The following KCNN3 variants were observed in gnomAD, a reference collection of about 807,000 sequenced individuals.
KCNN3 encodes the protein small conductance calcium-activated potassium channel protein 3.
Under a neutral mutation model 62.9 loss-of-function variants are expected in KCNN3, and 16 were observed. The observed-to-expected ratio is 0.25, with a 90% CI of 0.17 to 0.39. The LOEUF is 0.39. Among genes scored for constraint, KCNN3 ranks in the 10% least tolerant of loss-of-function variants. The pLI, the probability that KCNN3 is intolerant of heterozygous loss-of-function variation, is 1.00. For synonymous variants in KCNN3, 370 were observed against 389.2 expected (o/e 0.95, Z 0.58); for missense variants, 599 against 949.4 (o/e 0.63, Z 4.85).
chr1:154,826,056 C>A (rs943013008), intron 1 of KCNN3, among the ~76,000 whole-genome samples: 9 of 37,730 alleles, frequency 2.4e-4, no homozygotes, highest in African/African-American at 6.5e-4. Context: ...TAAAAAAAAA[C>A]AAAAACAAAA....
At chr1:154,817,231 T>C (rs1434272187) in intron 2 of KCNN3, among the ~76,000 whole-genome samples, 1 of 152,126 alleles carries the variant, frequency 6.6e-6, no homozygotes, top group Non-Finnish European at 1.5e-5. Context: ...GAAAGAAGCA[T>C]TTAATAGGGA....
chr1:154,719,469 T>C lies in KCNN3; in HGVS notation c.1702-4466A>G, dbSNP rs79633093. Reference sequence around the variant, plus strand: ...GGCACATTCCTGTACTGTAGGCCACTGTAACACAAATCACTAGGGGAGAGG... The same window carrying C: ...GGCACATTCCTGTACTGTAGGCCACCGTAACACAAATCACTAGGGGAGAGG... On this transcript the variant is annotated intron_variant, in intron 5 of 7. Coordinates refer to ENST00000271915, the MANE Select transcript of KCNN3 (RefSeq NM_002249.6). Among the ~76,000 whole-genome samples the C allele has an allele frequency of 2.0e-3, 311 of 152,292 alleles. 1 individual carries two copies. The highest frequency in any genetic ancestry group is 7.2e-3 in the African/African-American group (301 of 41,536).
Position 154,771,996 on chromosome 1 carries a change from C to T in KCNN3, c.1427G>A (p.Trp476Ter), listed in dbSNP as rs753340296. 6.2e-7 allele frequency: 1 copy of T among 1,614,136 alleles called. No homozygotes were observed. The highest frequency in any genetic ancestry group is 8.5e-7 in the Non-Finnish European group (1 of 1,180,046). Residue 476 changes from tryptophan to a stop codon, truncating the protein, a stop_gained, in exon 3 of 8, where the codon TGG becomes TAG. Coordinates refer to ENST00000271915, the MANE Select transcript of KCNN3 (RefSeq NM_002249.6). LOFTEE classifies it high-confidence loss of function. Reference protein sequence around the residue: ...FSISLWIIAAWTVRVCERYHD... With the variant: ...FSISLWIIAA ...ATACCTTTCACAGACACGGACGGTCCAGGCAGCAATGATCCACAGAGAGAT... is the reference window on the plus strand; with the variant it reads ...ATACCTTTCACAGACACGGACGGTCTAGGCAGCAATGATCCACAGAGAGAT...
intron 1 of KCNN3, among the ~76,000 whole-genome samples, chr1:154,851,140 G>A (rs1238226748): frequency 1.3e-5 from 2 of 152,086 alleles, no homozygotes; most frequent in Non-Finnish European, 2.9e-5. Flanking sequence ...CACCATGCCC[G>A]GCTAATTTTT....
In KCNN3 at chr1:154,840,006, C is replaced by T. The variant is rs117429684; in HGVS notation, c.934-17822G>A. 2.0e-4 allele frequency among the ~76,000 whole-genome samples: 31 copies of T among 152,130 alleles called. No homozygotes were observed. The East Asian group carries it at 5.8e-3, about 28-fold the overall frequency. On this transcript the variant is annotated intron_variant, in intron 1 of 7. Transcript: ENST00000271915. ...GAGTCAGGGATTTCTAAGACTCAGACTGGGAACCTAGCAGGAAAGGCACTG... is the reference window on the plus strand; with the variant it reads ...GAGTCAGGGATTTCTAAGACTCAGATTGGGAACCTAGCAGGAAAGGCACTG...
At chr1:154,839,265 C>T (rs987123776) in intron 1 of KCNN3, among the ~76,000 whole-genome samples, 34 of 152,208 alleles carry the variant, frequency 2.2e-4, no homozygotes, top group African/African-American at 8.0e-4. Flanking sequence ...GCTCCCTCCA[C>T]CCCCATCACT....
intron 3 of KCNN3, among the ~76,000 whole-genome samples, chr1:154,750,243 C>T (rs1481069511): frequency 6.6e-6 from 1 of 152,196 alleles, no homozygotes; most frequent in Non-Finnish European, 1.5e-5. Context: ...AGCTGGTGCA[C>T]CCCAAGCTCT....
chr1:154,802,440 G>T (rs6699284), intron 2 of KCNN3, among the ~76,000 whole-genome samples: 2 of 152,104 alleles, frequency 1.3e-5, no homozygotes, highest in African/African-American at 4.8e-5. Context: ...TCTCACCCCA[G>T]GTGTTCAGTG....
At chr1:154,848,679 C>T (rs1198630400) in intron 1 of KCNN3, among the ~76,000 whole-genome samples, 1 of 152,208 alleles carries the variant, frequency 6.6e-6, no homozygotes, top group African/African-American at 2.4e-5. Context: ...AACTTTGAGC[C>T]TCTGCCCCTA....
chr1:154,710,079 C>G (rs1455969033), intron 7 of KCNN3, among the ~76,000 whole-genome samples: 1 of 152,210 alleles, frequency 6.6e-6, no homozygotes, highest in Non-Finnish European at 1.5e-5. Context: ...TTTTATATTT[C>G]AATTGAAGTA....
At chr1:154,839,363 C>A (rs1387006285) in intron 1 of KCNN3, among the ~76,000 whole-genome samples, 1 of 152,168 alleles carries the variant, frequency 6.6e-6, no homozygotes, top group African/African-American at 2.4e-5. Flanking sequence ...CCTTTGGAGG[C>A]TCTGGTAATG....
At chr1:154,729,876 C>G (rs1246080275) in intron 4 of KCNN3, among the ~76,000 whole-genome samples, 1 of 152,222 alleles carries the variant, frequency 6.6e-6, no homozygotes, top group East Asian at 1.9e-4. Flanking sequence ...TCAGAGGCAT[C>G]TCTCATGAGG....
intron 2 of KCNN3, among the ~76,000 whole-genome samples, chr1:154,811,164 C>A (rs1208859986): frequency 2.6e-5 from 4 of 152,154 alleles, no homozygotes; most frequent in African/African-American, 9.7e-5. Context: ...GGAATCAGAA[C>A]CCCGGCCCGT....
chr1:154,755,743 A>G (rs1647639564), intron 3 of KCNN3, among the ~76,000 whole-genome samples: 1 of 146,614 alleles, frequency 6.8e-6, no homozygotes, highest in South Asian at 2.2e-4. Context: ...AGAAGAAGGC[A>G]AAGAAGAAGA....
At position 154,775,861 on chromosome 1, in the gene KCNN3, C is replaced by T. The variant is rs141070772; in HGVS notation, c.1030-3468G>A. 3.0e-4 allele frequency among the ~76,000 whole-genome samples: 46 copies of T among 152,332 alleles called. No homozygotes were observed. In the East Asian group the frequency reaches 8.1e-3, roughly 27 times the overall value. ...AGGCCAAGCCATGGCAACGTGACTGCCTGGCCAAACTCTTCAAATACAAAA... is the reference window on the plus strand; with the variant it reads ...AGGCCAAGCCATGGCAACGTGACTGTCTGGCCAAACTCTTCAAATACAAAA... On this transcript the variant is annotated intron_variant, in intron 2 of 7. Transcript: ENST00000271915.
intron 4 of KCNN3, among the ~76,000 whole-genome samples, chr1:154,728,924 A>ACCCT (rs1040185043): frequency 6.6e-6 from 1 of 152,158 alleles, no homozygotes; most frequent in African/African-American, 2.4e-5. Context: ...AAGGGATCCC[A>ACCCT]CCCTGCTGTG....
chr1:154,739,545 T>C (rs968476601), intron 3 of KCNN3, among the ~76,000 whole-genome samples: 18 of 152,250 alleles, frequency 1.2e-4, no homozygotes, highest in African/African-American at 4.3e-4. Context: ...CACAAGAGTA[T>C]GGTAGGAAGC....
chr1:154,795,895 C>T (rs549423189), intron 2 of KCNN3, among the ~76,000 whole-genome samples: 1 of 152,328 alleles, frequency 6.6e-6, no homozygotes, highest in African/African-American at 2.4e-5. Flanking sequence ...GGCCGCAGAG[C>T]AGGGCAGGGC....
chr1:154,771,955 G>C lies in KCNN3; in HGVS notation c.1448+20C>G, dbSNP rs759321807. ...TGTCCCAGCACAGGCTCTGTACTCAGAAAGCCCCATGTGGAATACCTTTCA... is the reference window on the plus strand; with the variant it reads ...TGTCCCAGCACAGGCTCTGTACTCACAAAGCCCCATGTGGAATACCTTTCA... On this transcript the variant is annotated intron_variant, in intron 3 of 7. Transcript: ENST00000271915. 9.9e-6 allele frequency: 16 copies of C among 1,613,204 alleles called. No homozygotes were observed. The highest frequency in any genetic ancestry group is 1.3e-5 in the Non-Finnish European group (15 of 1,179,626).
Sources: gnomAD v4.1 joint callset for allele counts (sites outside exome capture counted in the v4.1 genomes callset) on GRCh38, gnomAD v4.1.1 for gene constraint, MANE v1.5 for transcripts, NCBI Gene and HGNC (gene_info 2026-07-23, HGNC 2026-07-21) for gene names.